The following ZKSCAN7 variants were observed in gnomAD, a reference collection of about 807,000 sequenced individuals.
ZKSCAN7 encodes zinc finger protein with KRAB and SCAN domains 7.
A neutral mutation model predicts 65.3 loss-of-function variants in ZKSCAN7; 38 were observed. The ratio of observed to expected loss-of-function variants is 0.58; its 90% CI spans 0.45 to 0.76. The LOEUF is 0.76. ZKSCAN7 is among the 30% of genes least tolerant of loss of function. The pLI is 0.00. For synonymous variants in ZKSCAN7, 321 were observed against 321.0 expected (o/e 1.00, Z 0.00); for missense variants, 815 against 913.3 (o/e 0.89, Z 1.39).
In ZKSCAN7 at chr3:44,556,104, C is replaced by T. The variant is rs117861266; in HGVS notation, c.-119+623C>T. ...ACAATAACCACCTCTCTAAGCCTAG[C>T]GTGATCAGGAAGGCTTTCTAGGGGA... On this transcript the variant is annotated intron_variant, in intron 1 of 5. Coordinates refer to ENST00000426540, the MANE Select transcript of ZKSCAN7 (RefSeq NM_001288590.2). Among the ~76,000 whole-genome samples, 171 of 152,254 alleles carry T rather than the reference C, an allele frequency of 1.1e-3. No individual in the cohort carries two copies. The East Asian group carries it at 0.019, about 17-fold the overall frequency.
intron 5 of ZKSCAN7, among the ~76,000 whole-genome samples, chr3:44,582,648 T>G (rs1476334963): frequency 6.6e-6 from 1 of 152,172 alleles, no homozygotes; most frequent in Non-Finnish European, 1.5e-5. Context: ...AAAGTATGCT[T>G]GTGGATAAGG....
chr3:44,576,424 CA>C (rs2125731774), downstream of ZKSCAN7, among the ~76,000 whole-genome samples: 1 of 152,260 alleles, frequency 6.6e-6, no homozygotes, highest in South Asian at 2.1e-4. Context: ...TGATGTTTTG[CA>C]TTTTGGTTTC....
rs1318416232 is a variant in ZKSCAN7, at chr3:44,563,987, A to G, written c.424-1500A>G. Among the ~76,000 whole-genome samples the G allele has an allele frequency of 2.6e-5, 4 of 152,190 alleles. No individual in the cohort carries two copies. The South Asian group carries it at 8.3e-4, about 32-fold the overall frequency. ...CCACTACACTGGTGAGATATATATT[A>G]AAGGAGAGAGTCCCTTAACATCTCA... On this transcript the variant is annotated intron_variant, in intron 2 of 5. Coordinates refer to ENST00000426540, the MANE Select transcript of ZKSCAN7 (RefSeq NM_001288590.2).
intron 2 of ZKSCAN7, among the ~76,000 whole-genome samples, chr3:44,562,304 C>A (rs530733648): frequency 6.6e-6 from 1 of 152,304 alleles, no homozygotes; most frequent in East Asian, 1.9e-4. Context: ...ACACAGGGGA[C>A]CATGTCCTGA....
At position 44,571,845 on chromosome 3, in the gene ZKSCAN7, C is replaced by A; in HGVS notation, c.*470C>A. 1.0e-6 allele frequency: 1 copy of A among 988,884 alleles called. No homozygotes were observed. The highest frequency in any genetic ancestry group is 1.2e-6 in the Non-Finnish European group (1 of 832,084). The allele number at this position is 988,884 out of a possible 1,614,324, so 61.3% of individuals were successfully genotyped here. A position where few individuals can be genotyped will look rare whatever the true frequency, so the allele number is the denominator to read the frequency against. ...TATAACTTTTCATCAGTTTTGTTCCCTATCTAGAAAACATTTTCTTCTGTT... is the reference window on the plus strand; with the variant it reads ...TATAACTTTTCATCAGTTTTGTTCCATATCTAGAAAACATTTTCTTCTGTT... On this transcript the variant is annotated 3_prime_UTR_variant, in exon 6 of 6. Coordinates refer to ENST00000426540, the MANE Select transcript of ZKSCAN7 (RefSeq NM_001288590.2).
intron 5 of ZKSCAN7, 156 bp downstream of exon 5, chr3:44,568,589 T>A: frequency 9.4e-7 from 1 of 1,065,274 alleles, no homozygotes; most frequent in Non-Finnish European, 1.3e-6. Context: ...ATCACTGAGA[T>A]TCAACAGTGA....
chr3:44,572,849 CAAAA>C (rs11339297), downstream of ZKSCAN7, among the ~76,000 whole-genome samples: 3,010 of 72,430 alleles, frequency 0.042, 119 homozygotes, highest in African/African-American at 0.11. Context: ...GACTCTGTCT[CAAAA>C]AAAAAAAAAA....
At chr3:44,581,610 C>T (rs115653624) in intron 5 of ZKSCAN7, among the ~76,000 whole-genome samples, 137 of 151,916 alleles carry the variant, frequency 9.0e-4, no homozygotes, top group African/African-American at 3.1e-3. Context: ...ATGAGGGAAC[C>T]CACGAAAAAA....
rs769526861 is a variant in ZKSCAN7, at chr3:44,557,084, C to T, written c.37C>T (p.Pro13Ser). The T allele has an allele frequency of 4.3e-6, 7 of 1,614,074 alleles. No homozygotes were observed. Among genetic ancestry groups the T allele is most frequent in the Admixed American group, 1.7e-5 (1 of 59,998 alleles). Reference protein sequence around the residue: ...TAGRGNLGLIPRSTAFQKQEG... With the variant: ...TAGRGNLGLISRSTAFQKQEG... ...AGGCAGGGGAAATTTAGGCCTCATC[C>T]CCAGGAGCACTGCTTTCCAGAAGCA... Residue 13 changes from proline to serine, a missense_variant, in exon 2 of 6, where the codon CCC (proline) becomes TCC (serine). By Grantham distance (74) the Pro-to-Ser change is moderately conservative. Coordinates refer to ENST00000426540, the MANE Select transcript of ZKSCAN7 (RefSeq NM_001288590.2).
downstream of ZKSCAN7, among the ~76,000 whole-genome samples, chr3:44,575,208 A>G (rs763605534): frequency 3.3e-5 from 5 of 152,172 alleles, no homozygotes; most frequent in African/African-American, 4.8e-5. Flanking sequence ...AGGCAGGAGG[A>G]TTGCCCGAGC....
Position 44,571,730 on chromosome 3 carries a change from A to G in ZKSCAN7, c.*355A>G. The G allele has an allele frequency of 9.4e-7, 1 of 1,059,912 alleles. No individual in the cohort carries two copies. The highest frequency in any genetic ancestry group is 1.1e-6 in the Non-Finnish European group (1 of 875,538). The allele number at this position is 1,059,912 out of a possible 1,614,324, so 65.7% of individuals were successfully genotyped here. A position where few individuals can be genotyped will look rare whatever the true frequency, so the allele number is the denominator to read the frequency against. ...TATTCTATTCTACTTCCTCCATTTC[A>G]CCATTTATACAAAGTCATTCAAAAA... On this transcript the variant is annotated 3_prime_UTR_variant, in exon 6 of 6. Transcript: ENST00000426540.
At position 44,557,013 on chromosome 3, in the gene ZKSCAN7, A is replaced by C. The variant is rs756971768; in HGVS notation, c.-35A>C. The C allele has an allele frequency of 3.7e-6, 6 of 1,612,872 alleles. No individual in the cohort carries two copies. The highest frequency in any genetic ancestry group is 5.1e-6 in the Non-Finnish European group (6 of 1,179,704). On this transcript the variant is annotated 5_prime_UTR_variant, in exon 2 of 6. Transcript: ENST00000426540. ...ATTGACCATCATTTTAATCGGACCA[A>C]CTGCAGCTGTAACAAGCTTCTCTTT...
Position 44,557,242 on chromosome 3 carries a change from G to A in ZKSCAN7, c.195G>A (p.Met65Ile), listed in dbSNP as rs1204783447. The A allele has an allele frequency of 3.1e-6, 5 of 1,614,166 alleles. No individual in the cohort carries two copies. In the Admixed American group the frequency reaches 5.0e-5, roughly 16 times the overall value. ...LHFRQLCYHE[M>I]SGPQEALSRL... is the part of the protein sequence containing the mutation. Reference sequence around the variant, plus strand: ...TCAGGCAATTGTGTTACCACGAGATGTCTGGGCCGCAGGAAGCATTGAGCC... The same window carrying A: ...TCAGGCAATTGTGTTACCACGAGATATCTGGGCCGCAGGAAGCATTGAGCC... Residue 65 changes from methionine (M) to isoleucine (I), a missense_variant, in exon 2 of 6, where the codon ATG (methionine) becomes ATA (isoleucine). Met to Ile is a conservative substitution (Grantham distance 10). Transcript: ENST00000426540.
chr3:44,571,986 A>G lies in ZKSCAN7; in HGVS notation c.*611A>G, dbSNP rs551291541. The G allele has an allele frequency of 2.8e-5, 28 of 986,636 alleles. No homozygotes were observed. The African/African-American group carries it at 4.9e-4, about 17-fold the overall frequency. The allele number at this position is 986,636 out of a possible 1,614,324, so 61.1% of individuals were successfully genotyped here. ...TCTTGATTTGACCTCAGTGCTTTGA[A>G]TTCACTGGTGCTACAATATGTAACT... On this transcript the variant is annotated 3_prime_UTR_variant, in exon 6 of 6. Transcript: ENST00000426540.
chr3:44,580,337 G>C, intron 5 of ZKSCAN7: 1 of 1,612,110 alleles, frequency 6.2e-7, no homozygotes. Context: ...GCAGGGAGCT[G>C]GCAGCAGGAG....
chr3:44,573,413 G>A (rs1373102311), downstream of ZKSCAN7, among the ~76,000 whole-genome samples: 1 of 152,142 alleles, frequency 6.6e-6, no homozygotes, highest in Non-Finnish European at 1.5e-5. Context: ...AGAAGAAAGG[G>A]TGGAGTTGAG....
downstream of ZKSCAN7, among the ~76,000 whole-genome samples, chr3:44,574,813 C>A (rs935367573): frequency 1.3e-5 from 2 of 151,968 alleles, no homozygotes; most frequent in African/African-American, 4.8e-5. Flanking sequence ...ACCTGTAATC[C>A]CAGCTACTTG....
At chr3:44,581,174 C>G (rs1273127287) in intron 5 of ZKSCAN7, 1 of 822,476 alleles carries the variant, frequency 1.2e-6, no homozygotes, top group Non-Finnish European at 1.5e-6. Flanking sequence ...TCGCTGCACG[C>G]GCCGAGGCTC....
downstream of ZKSCAN7, chr3:44,572,293 A>G (rs1341147423): frequency 1.1e-6 from 1 of 933,748 alleles, no homozygotes; most frequent in African/African-American, 1.8e-5. Context: ...TCTTTTACAT[A>G]TACTCCTGGA....
Sources: allele counts gnomAD v4.1 joint callset (sites outside exome capture counted in the v4.1 genomes callset), GRCh38; gene constraint gnomAD v4.1.1; transcripts MANE v1.5; gene names NCBI Gene and HGNC (gene_info 2026-07-23, HGNC 2026-07-21).